Variants in HAGH observed in about 807,000 individuals in gnomAD.
The protein encoded by HAGH is hydroxyacylglutathione hydrolase, also known as hydroxyacylglutathione hydrolase, mitochondrial.
Under a neutral mutation model 35.1 loss-of-function variants are expected in HAGH, and 29 were observed. The ratio of observed to expected loss-of-function variants is 0.83; its 90% CI spans 0.62 to 1.13. The LOEUF is 1.13. Among genes scored for constraint, HAGH ranks in the 50% most tolerant of loss-of-function variants. The probability of loss-of-function intolerance (pLI) is 0.00; values close to 1 mark genes in which losing one functional copy is unlikely to be tolerated. For synonymous variants in HAGH, 225 were observed against 176.1 expected (o/e 1.28, Z -2.20); for missense variants, 478 against 419.6 (o/e 1.14, Z -1.22).
At chr16:1,814,864 C>T (rs906626297) in intron 7 of HAGH, among the ~76,000 whole-genome samples, 4 of 152,014 alleles carry the variant, frequency 2.6e-5, no homozygotes, top group Non-Finnish European at 5.9e-5. Context: ...CACCACTGCA[C>T]TCCAGCCTGG....
At chr16:1,816,442 G>A (rs1418732101) in intron 7 of HAGH, among the ~76,000 whole-genome samples, 1 of 152,146 alleles carries the variant, frequency 6.6e-6, no homozygotes, top group Non-Finnish European at 1.5e-5. Context: ...TTGTGACACC[G>A]TTTCCAGTGA....
At chr16:1,827,035 C>G, upstream of HAGH, 1 of 768,514 alleles carries the variant, frequency 1.3e-6, no homozygotes. Flanking sequence ...AGCTGTGCCG[C>G]GAGCCTCCGC....
chr16:1,817,504 G>A (rs1170108903), intron 5 of HAGH, among the ~76,000 whole-genome samples: 1 of 151,734 alleles, frequency 6.6e-6, no homozygotes, highest in Non-Finnish European at 1.5e-5. Context: ...CGAAACCCAA[G>A]TCACTCCTCC....
intron 8 of HAGH, 28 bp from the exon 9 acceptor site, chr16:1,809,410 C>T (rs767870473): frequency 1.3e-6 from 2 of 1,578,336 alleles, no homozygotes; most frequent in Non-Finnish European, 1.7e-6. Flanking sequence ...GGGCTGCAGG[C>T]TGTGCCGAGC....
Position 1,819,242 on chromosome 16 carries a change from C to A in HAGH, c.433-19G>T. ...ACCCCACCTTCAACAAAGCAGGCGA[C>A]CGCGTGTGCTCCCAGACACCCTGGA... is the stretch of plus-strand genomic sequence containing the variant. On this transcript the variant is annotated intron_variant, in intron 4 of 8. Transcript: ENST00000397356. 1 of 1,513,090 alleles carries A rather than the reference C, an allele frequency of 6.6e-7. No individual in the cohort carries two copies. The highest frequency in any genetic ancestry group is 9.1e-7 in the Non-Finnish European group (1 of 1,095,008). The allele number at this position is 1,513,090 out of a possible 1,614,324, so 93.7% of individuals were successfully genotyped here. A position where few individuals can be genotyped will look rare whatever the true frequency, so the allele number is the denominator to read the frequency against.
At chr16:1,821,174 G>A (rs951326233) in intron 3 of HAGH, among the ~76,000 whole-genome samples, 2 of 152,146 alleles carry the variant, frequency 1.3e-5, no homozygotes, top group African/African-American at 4.8e-5. Flanking sequence ...TGCAGGCACC[G>A]CCCCTCAAGC....
chr16:1,826,573 G>A (rs1311047079), intron 1 of HAGH, 139 bp downstream of exon 1: 5 of 978,754 alleles, frequency 5.1e-6, no homozygotes, highest in South Asian at 4.6e-5. Flanking sequence ...CGCCGCCTCC[G>A]CTCGAGCCCG....
At chr16:1,825,228 G>C (rs1365295554) in intron 1 of HAGH, among the ~76,000 whole-genome samples, 2 of 152,186 alleles carry the variant, frequency 1.3e-5, no homozygotes, top group African/African-American at 4.8e-5. Flanking sequence ...TGAGGCAGGA[G>C]ACTCGCTTGA....
At chr16:1,811,130 TCAGCCGAGCG>T (rs1235120162) in intron 7 of HAGH, among the ~76,000 whole-genome samples, 6 of 152,218 alleles carry the variant, frequency 3.9e-5, no homozygotes, top group African/African-American at 1.4e-4. Context: ...ATAAGGTCAG[TCAGCCGAGCG>T]CAGTGGCTCA....
chr16:1,827,055 G>T, upstream of HAGH: 2 of 871,568 alleles, frequency 2.3e-6, no homozygotes, highest in Non-Finnish European at 3.3e-6. Flanking sequence ...CCTCTTTTTT[G>T]GCACCGCACA....
intron 5 of HAGH, chr16:1,818,689 A>G (rs993499456): frequency 6.1e-6 from 1 of 164,674 alleles, no homozygotes; most frequent in African/African-American, 2.4e-5. Context: ...TCCCCCGGCC[A>G]TATGACCTCC....
intron 7 of HAGH, among the ~76,000 whole-genome samples, chr16:1,812,189 C>G (rs1416562512): frequency 9.6e-6 from 1 of 104,482 alleles, no homozygotes; most frequent in African/African-American, 3.9e-5. Context: ...GACGCTGTCT[C>G]TCCCCAACCA....
At chr16:1,825,659 G>A (rs989900326) in intron 1 of HAGH, among the ~76,000 whole-genome samples, 2 of 152,108 alleles carry the variant, frequency 1.3e-5, no homozygotes, top group Admixed American at 1.3e-4. Context: ...CTGCAGCCTC[G>A]ACCTCCTGGA....
chr16:1,814,908 C>T (rs543474604), intron 7 of HAGH, among the ~76,000 whole-genome samples: 4 of 140,926 alleles, frequency 2.8e-5, no homozygotes, highest in Non-Finnish European at 6.1e-5. Flanking sequence ...AAAAAACAAA[C>T]AAATAAATAT....
rs1898023875 is a variant in HAGH at position 1,818,942 on chromosome 16, C to A, written c.541+173G>T. 1.0e-5 allele frequency: 6 copies of A among 595,982 alleles called. No homozygotes were observed. The South Asian group carries it at 1.2e-4, about 12-fold the overall frequency. 36.9% of individuals were successfully genotyped at this position (595,982 alleles called of 1,614,324 possible). On this transcript the variant is annotated intron_variant, in intron 5 of 8. Transcript: ENST00000397356. Reference sequence around the variant, plus strand: ...CTTCCTTCCAGACCACGATCCAAACCCATCATGGGAGGAATCGGCCAGCCC... The same window carrying A: ...CTTCCTTCCAGACCACGATCCAAACACATCATGGGAGGAATCGGCCAGCCC...
intron 7 of HAGH, among the ~76,000 whole-genome samples, chr16:1,814,455 C>T (rs1897796332): frequency 1.4e-5 from 2 of 138,540 alleles, no homozygotes; most frequent in Non-Finnish European, 3.1e-5. Flanking sequence ...GCCTGGGCAA[C>T]AAGAGTGAAA....
At chr16:1,822,080 G>C (rs1284284635) in intron 3 of HAGH, 1 of 569,330 alleles carries the variant, frequency 1.8e-6, no homozygotes, top group Non-Finnish European at 3.2e-6. Context: ...GGGTAAGGCT[G>C]TAACCTTCTC....
At chr16:1,827,044 G>C, upstream of HAGH, 1 of 811,226 alleles carries the variant, frequency 1.2e-6, no homozygotes, top group Non-Finnish European at 1.8e-6. Context: ...GCGAGCCTCC[G>C]CCTCTTTTTT....
chr16:1,809,263 G>C lies in HAGH; in HGVS notation c.*20C>G, dbSNP rs1157423332. ...CTAAAAGAGCCTAATCCCCAAATCC[G>C]CTGAAGGTGCAGGGCGGCCTCAGTC... On this transcript the variant is annotated 3_prime_UTR_variant, in exon 9 of 9. Transcript: ENST00000397356. 2 of 1,541,154 alleles carry C rather than the reference G, an allele frequency of 1.3e-6. No homozygotes were observed. Among genetic ancestry groups the C allele is most frequent in the South Asian group, 1.1e-5 (1 of 87,826 alleles).
Sources: gnomAD v4.1 joint callset for allele counts (sites outside exome capture counted in the v4.1 genomes callset) on GRCh38, gnomAD v4.1.1 for gene constraint, MANE v1.5 for transcripts, NCBI Gene and HGNC (gene_info 2026-07-23, HGNC 2026-07-21) for gene names.